KIF5C: variants seen among roughly 807,000 people sequenced by gnomAD.
KIF5C encodes kinesin heavy chain isoform 5C.
KIF5C carries 18 observed loss-of-function variants against 125.2 expected under a neutral mutation model. That is an observed-to-expected ratio of 0.14 (90% confidence interval 0.10 to 0.21). The LOEUF is 0.21. Ranked by LOEUF, KIF5C falls within the 10% of genes least tolerant of loss-of-function variation. The pLI is 1.00. For synonymous variants in KIF5C, 405 were observed against 434.0 expected (o/e 0.93, Z 0.83); for missense variants, 780 against 1,183.8 (o/e 0.66, Z 5.01).
At chr2:148,965,155 G>A (rs1000471549) in intron 11 of KIF5C, among the ~76,000 whole-genome samples, 4 of 152,008 alleles carry the variant, frequency 2.6e-5, no homozygotes, top group Non-Finnish European at 4.4e-5. Context: ...GAGGGAGGAG[G>A]GAGTTTAGGG....
rs1388636791 is a variant in KIF5C, at chr2:148,981,546, G to A, written c.1554G>A (p.Glu518=). 2.5e-6 allele frequency: 4 copies of A among 1,598,456 alleles called. No homozygotes were observed. The Admixed American group carries it at 5.2e-5, about 21-fold the overall frequency. Residue 518 remains glutamate, a synonymous_variant, in exon 14 of 26, where the codon GAG becomes GAA. Coordinates refer to ENST00000435030, the MANE Select transcript of KIF5C (RefSeq NM_004522.3). ...GGGCCAATGAGCAGCTGACAGACGA[G>A]CTGGCCCAGAAAACGGTTGGAGCAT... ...KTRANEQLTD[E]LAQKTTTLTT...
intron 6 of KIF5C, 138 bp from the exon 7 acceptor site, chr2:148,942,535 G>A (rs947921348): frequency 1.1e-5 from 16 of 1,423,246 alleles, no homozygotes; most frequent in Non-Finnish European, 1.5e-5. Flanking sequence ...GGGCAAGGAG[G>A]AAAAGTTGTT....
intron 11 of KIF5C, among the ~76,000 whole-genome samples, chr2:148,971,266 A>ATCTGTC (rs367613553): frequency 6.8e-5 from 10 of 146,756 alleles, no homozygotes; most frequent in Admixed American, 3.5e-4. Context: ...TGATTAGAAA[A>ATCTGTC]TCTGTCTGTC....
intron 1 of KIF5C, among the ~76,000 whole-genome samples, chr2:148,906,870 T>C (rs1290603875): frequency 6.6e-6 from 1 of 151,302 alleles, no homozygotes; most frequent in Non-Finnish European, 1.5e-5. Flanking sequence ...TGCCTCAAAA[T>C]AAATAGATAA....
intron 1 of KIF5C, among the ~76,000 whole-genome samples, chr2:148,877,063 G>A (rs1258965695): frequency 6.6e-6 from 1 of 152,232 alleles, no homozygotes; most frequent in Non-Finnish European, 1.5e-5. Context: ...AGAGGCCGAC[G>A]TTTTCCAGCC....
At position 148,962,423 on chromosome 2, in the gene KIF5C, C is replaced by T. The variant is rs11885261; in HGVS notation, c.1117+304C>T. On this transcript the variant is annotated intron_variant, in intron 11 of 25. Coordinates refer to ENST00000435030, the MANE Select transcript of KIF5C (RefSeq NM_004522.3). ...TGAACTCCTGACCTCAAGTGATCCA[C>T]CCACCTTGGCCTCCCAAAGTGCTGG... is the stretch of plus-strand genomic sequence containing the variant. 0.14 allele frequency among the ~76,000 whole-genome samples: 21,129 copies of T among 151,528 alleles called. 2,267 individuals are homozygous for T. The highest frequency in any genetic ancestry group is 0.29 in the African/African-American group (12,108 of 41,136).
At chr2:148,885,562 G>C (rs1293552984) in intron 1 of KIF5C, 4 of 152,212 alleles carry the variant, frequency 2.6e-5, no homozygotes, top group African/African-American at 9.6e-5. Context: ...ACCCATCCTT[G>C]ATGTGAACTG....
intron 11 of KIF5C, among the ~76,000 whole-genome samples, chr2:148,963,191 C>G: frequency 6.7e-6 from 1 of 148,996 alleles, no homozygotes; most frequent in South Asian, 2.1e-4. Context: ...TAAAATAAGG[C>G]AGGTTGGTGT....
chr2:148,957,868 A>G (rs1412971709), intron 10 of KIF5C, among the ~76,000 whole-genome samples: 1 of 152,064 alleles, frequency 6.6e-6, no homozygotes, highest in East Asian at 1.9e-4. Flanking sequence ...CTCTCAGTCA[A>G]CACCGAACTC....
chr2:148,969,422 AGTGTGTGTGTGTGTGTGTGTGTGT>A, intron 11 of KIF5C, among the ~76,000 whole-genome samples: 1 of 141,374 alleles, frequency 7.1e-6, no homozygotes, highest in Non-Finnish European at 1.5e-5. Flanking sequence ...GAAGGTTTCC[AGTGTGTGTGTGTGTGTGTGTGTGT>A]GTGTGTGTGT....
intron 15 of KIF5C, among the ~76,000 whole-genome samples, chr2:148,987,500 A>G (rs1275844477): frequency 6.6e-6 from 1 of 152,110 alleles, no homozygotes; most frequent in African/African-American, 2.4e-5. Flanking sequence ...GAAGCAGTGG[A>G]GTGAATATTT....
At chr2:148,946,807 A>G in intron 7 of KIF5C, 92 bp from the exon 8 acceptor site, 1 of 1,551,278 alleles carries the variant, frequency 6.4e-7, no homozygotes, top group East Asian at 2.3e-5. Flanking sequence ...AAATGGATCT[A>G]TTAGGCATGA....
intron 1 of KIF5C, among the ~76,000 whole-genome samples, chr2:148,909,387 A>G (rs1479169434): frequency 6.6e-6 from 1 of 152,148 alleles, no homozygotes; most frequent in Non-Finnish European, 1.5e-5. Context: ...CGCATATCAC[A>G]ACACTCAGAG....
intron 8 of KIF5C, among the ~76,000 whole-genome samples, chr2:148,948,289 G>A (rs571981125): frequency 1.3e-4 from 19 of 151,618 alleles, no homozygotes; most frequent in Non-Finnish European, 8.8e-5. Flanking sequence ...CCCGGGAGGC[G>A]GAGCTTGCAG....
chr2:148,901,544 TA>T (rs1251065608), intron 1 of KIF5C, among the ~76,000 whole-genome samples: 1 of 152,124 alleles, frequency 6.6e-6, no homozygotes, highest in African/African-American at 2.4e-5. Context: ...TCAAGGAAAA[TA>T]AAAAAAGAAA....
chr2:148,890,168 A>G (rs1231545270), intron 1 of KIF5C, among the ~76,000 whole-genome samples: 1 of 152,228 alleles, frequency 6.6e-6, no homozygotes, highest in African/African-American at 2.4e-5. Flanking sequence ...AGCTATAAAT[A>G]ATAACTTTTA....
At chr2:148,976,118 A>C (rs1466265306) in intron 12 of KIF5C, among the ~76,000 whole-genome samples, 1 of 152,190 alleles carries the variant, frequency 6.6e-6, no homozygotes, top group Non-Finnish European at 1.5e-5. Context: ...AGTAGAAATG[A>C]AAGTTGATTA....
intron 10 of KIF5C, among the ~76,000 whole-genome samples, chr2:148,951,150 C>T (rs1196328790): frequency 1.7e-4 from 26 of 152,128 alleles, no homozygotes; most frequent in Admixed American, 1.5e-3. Context: ...CCTTTAGCTC[C>T]GGTATTTGCG....
intron 1 of KIF5C, chr2:148,879,073 C>T (rs950636780): frequency 5.9e-5 from 9 of 152,162 alleles, no homozygotes; most frequent in African/African-American, 1.7e-4. Context: ...CAGCTTTGTG[C>T]AAAGCTGTCT....
Sources: allele counts gnomAD v4.1 joint callset (sites outside exome capture counted in the v4.1 genomes callset), GRCh38; gene constraint gnomAD v4.1.1; transcripts MANE v1.5; gene names NCBI Gene and HGNC (gene_info 2026-07-23, HGNC 2026-07-21).